Variants in ANXA4 observed in about 807,000 individuals in gnomAD.
The protein encoded by ANXA4 is annexin A4.
In ANXA4, 39 loss-of-function variants were observed where a neutral mutation model predicts 49.8. The ratio of observed to expected loss-of-function variants is 0.78; its 90% CI spans 0.61 to 1.02. The LOEUF is 1.02. ANXA4 is among the 50% of genes least tolerant of loss of function. The pLI, the probability that ANXA4 is intolerant of heterozygous loss-of-function variation, is 0.00. For missense variants in ANXA4, 360 were observed against 410.1 expected (o/e 0.88, Z 1.05); for synonymous variants, 134 against 152.5 (o/e 0.88, Z 0.89).
intron 2 of ANXA4, among the ~76,000 whole-genome samples, chr2:69,674,586 A>G (rs1677324851): frequency 6.6e-6 from 1 of 152,184 alleles, no homozygotes; most frequent in South Asian, 2.1e-4. Context: ...CATGTACCTA[A>G]TGTATAGAAA....
At chr2:69,664,292 G>T (rs1277103570) in intron 2 of ANXA4, among the ~76,000 whole-genome samples, 6 of 152,132 alleles carry the variant, frequency 3.9e-5, no homozygotes, top group Non-Finnish European at 5.9e-5. Flanking sequence ...CTTTCAGAAG[G>T]TGAAAGCTTT....
chr2:69,646,714 CA>C (rs1465769582), intron 1 of ANXA4, among the ~76,000 whole-genome samples: 4 of 152,132 alleles, frequency 2.6e-5, no homozygotes, highest in African/African-American at 7.2e-5. Flanking sequence ...AAGAGTAAAC[CA>C]TCTTCTAACT....
At chr2:69,657,703 CTAAG>C (rs1676558262) in intron 2 of ANXA4, among the ~76,000 whole-genome samples, 1 of 152,094 alleles carries the variant, frequency 6.6e-6, no homozygotes, top group Non-Finnish European at 1.5e-5. Context: ...GTATAAGTCT[CTAAG>C]TGTTAAAATT....
intron 2 of ANXA4, among the ~76,000 whole-genome samples, chr2:69,685,803 G>A (rs1054588860): frequency 6.6e-6 from 1 of 152,166 alleles, no homozygotes; most frequent in Admixed American, 6.5e-5. Context: ...TGTATCCAGT[G>A]GTGTGGTAAA....
chr2:69,673,532 G>A (rs1200713498), intron 2 of ANXA4, among the ~76,000 whole-genome samples: 1 of 151,886 alleles, frequency 6.6e-6, no homozygotes, highest in African/African-American at 2.4e-5. Flanking sequence ...GGGATGGATA[G>A]CATTAGGAGA....
chr2:69,707,313 C>T (rs910864912), intron 2 of ANXA4, among the ~76,000 whole-genome samples: 2 of 152,118 alleles, frequency 1.3e-5, no homozygotes, highest in African/African-American at 4.8e-5. Flanking sequence ...TCTACTTCTT[C>T]CTGGGTCAGT....
intron 2 of ANXA4, among the ~76,000 whole-genome samples, chr2:69,785,614 C>T (rs906668682): frequency 6.6e-6 from 1 of 151,330 alleles, no homozygotes; most frequent in Non-Finnish European, 1.5e-5. Context: ...TTACTTTTTT[C>T]TGGGTTTTGT....
intron 1 of ANXA4, among the ~76,000 whole-genome samples, chr2:69,645,443 T>C (rs541081486): frequency 2.3e-4 from 35 of 152,348 alleles, no homozygotes; most frequent in Middle Eastern, 3.4e-3. Context: ...GATCTTAAAA[T>C]AGATGAGAAA....
At chr2:69,709,109 A>G (rs1042312651) in intron 2 of ANXA4, among the ~76,000 whole-genome samples, 2 of 152,180 alleles carry the variant, frequency 1.3e-5, no homozygotes, top group East Asian at 3.8e-4. Context: ...TTGCCTTTGT[A>G]TGAGAGTAAT....
intron 1 of ANXA4, among the ~76,000 whole-genome samples, chr2:69,646,281 G>T (rs745477980): frequency 6.6e-6 from 1 of 152,144 alleles, no homozygotes; most frequent in Non-Finnish European, 1.5e-5. Flanking sequence ...TGTATAATTT[G>T]TCCCATGCTG....
chr2:69,759,149 G>C (rs907883911), intron 1 of ANXA4, among the ~76,000 whole-genome samples: 11 of 140,700 alleles, frequency 7.8e-5, no homozygotes, highest in Admixed American at 2.1e-4. Flanking sequence ...AAAAAAAAAA[G>C]ATTATAATTC....
Position 69,806,412 on chromosome 2 carries a change from C to G in ANXA4, c.220C>G (p.Leu74Val). Reference protein sequence around the residue: ...RDLIDDLKSELSGNFEQVIVG... With the variant: ...RDLIDDLKSEVSGNFEQVIVG... Reference sequence around the variant, plus strand: ...CTTGATAGACGACCTGAAGTCAGAACTGAGTGGCAACTTCGAGCAGGTGAT... The same window carrying G: ...CTTGATAGACGACCTGAAGTCAGAAGTGAGTGGCAACTTCGAGCAGGTGAT... Residue 74 changes from leucine to valine, a missense_variant, in exon 5 of 13, where the codon CTG becomes GTG. By Grantham distance (32) the Leu-to-Val change is conservative. Transcript: ENST00000394295. The G allele has an allele frequency of 6.2e-7, 1 of 1,614,148 alleles. No individual in the cohort carries two copies. Among genetic ancestry groups the G allele is most frequent in the South Asian group, 1.1e-5 (1 of 91,082 alleles).
At chr2:69,723,340 C>T (rs1559112315) in intron 3 of ANXA4, among the ~76,000 whole-genome samples, 1 of 151,858 alleles carries the variant, frequency 6.6e-6, no homozygotes, top group Non-Finnish European at 1.5e-5. Flanking sequence ...TAAAAGATGC[C>T]TCCAAAGTGA....
At chr2:69,693,654 A>G (rs140243646) in intron 2 of ANXA4, among the ~76,000 whole-genome samples, 15 of 152,208 alleles carry the variant, frequency 9.9e-5, no homozygotes, top group African/African-American at 3.1e-4. Flanking sequence ...ACAGGAGAGG[A>G]AGGAAATGAA....
At chr2:69,742,044 A>T (rs1670414900), upstream of ANXA4, 1 of 152,182 alleles carries the variant, frequency 6.6e-6, no homozygotes, top group African/African-American at 2.4e-5. Context: ...TCGTGGGCAG[A>T]GGAACAACCA....
In ANXA4 at chr2:69,759,665, G is replaced by T. The variant is rs147968145; in HGVS notation, c.-47+17490G>T. Among the ~76,000 whole-genome samples the T allele has an allele frequency of 2.9e-3, 447 of 152,154 alleles. 5 individuals are homozygous for T. Among genetic ancestry groups the T allele is most frequent in the Admixed American group, 7.4e-3 (113 of 15,288 alleles). ...CTAGAGGGAAGGAGAGGTTAATAGT[G>T]ATAAATAAAACCAGCACTGACTGTC... On this transcript the variant is annotated intron_variant, in intron 1 of 12. Coordinates refer to ENST00000394295, the MANE Select transcript of ANXA4 (RefSeq NM_001153.5).
At chr2:69,792,525 A>T (rs896893632) in intron 3 of ANXA4, among the ~76,000 whole-genome samples, 7 of 152,276 alleles carry the variant, frequency 4.6e-5, no homozygotes, top group African/African-American at 1.4e-4. Flanking sequence ...TCAGTGATTA[A>T]TTTACAGAAA....
At chr2:69,734,802 A>C (rs967156128) in intron 3 of ANXA4, among the ~76,000 whole-genome samples, 8 of 152,122 alleles carry the variant, frequency 5.3e-5, no homozygotes, top group African/African-American at 1.7e-4. Flanking sequence ...TTGAGATAGG[A>C]GGGGCCCTCT....
intron 4 of ANXA4, 65 bp downstream of exon 4, chr2:69,804,692 C>T: frequency 7.4e-7 from 1 of 1,353,484 alleles, no homozygotes; most frequent in South Asian, 1.2e-5. Flanking sequence ...GGGCCTCTTC[C>T]TGATCTAGGT....
Sources: allele counts gnomAD v4.1 joint callset (sites outside exome capture counted in the v4.1 genomes callset), GRCh38; gene constraint gnomAD v4.1.1; transcripts MANE v1.5; gene names NCBI Gene and HGNC (gene_info 2026-07-23, HGNC 2026-07-21).